HACD2: variants seen among roughly 807,000 people sequenced by gnomAD.
The protein encoded by HACD2 is very-long-chain (3R)-3-hydroxyacyl-CoA dehydratase 2.
In HACD2, 15 loss-of-function variants were observed where a neutral mutation model predicts 31.0. The observed-to-expected ratio is 0.48, with a 90% CI of 0.32 to 0.75. The LOEUF is 0.75. Among genes scored for constraint, HACD2 ranks in the 30% least tolerant of loss-of-function variants. The pLI, the probability that HACD2 is intolerant of heterozygous loss-of-function variation, is 0.03. For missense variants in HACD2, 283 were observed against 313.0 expected (o/e 0.90, Z 0.72); for synonymous variants, 115 against 122.2 (o/e 0.94, Z 0.39).
chr3:123,504,296 CTGGG>C (rs1346967421), intron 4 of HACD2, among the ~76,000 whole-genome samples: 1 of 152,156 alleles, frequency 6.6e-6, no homozygotes, highest in Non-Finnish European at 1.5e-5. Context: ...CTAAAGAGCT[CTGGG>C]TTATAATAGG....
intron 6 of HACD2, among the ~76,000 whole-genome samples, chr3:123,498,595 T>G (rs1465375591): frequency 1.3e-5 from 2 of 152,188 alleles, no homozygotes; most frequent in Admixed American, 1.3e-4. Flanking sequence ...ATGTTTCTTA[T>G]GAGAATCTAA....
At chr3:123,541,465 G>C (rs1350409519) in intron 3 of HACD2, among the ~76,000 whole-genome samples, 3 of 152,146 alleles carry the variant, frequency 2.0e-5, no homozygotes, top group Non-Finnish European at 4.4e-5. Context: ...AACTATGTGG[G>C]GCAGGGAAAG....
intron 3 of HACD2, among the ~76,000 whole-genome samples, chr3:123,547,894 T>C (rs1329482341): frequency 6.6e-6 from 1 of 152,088 alleles, no homozygotes; most frequent in Admixed American, 6.5e-5. Flanking sequence ...GTAGGCACCA[T>C]TTTCCTCAAC....
chr3:123,527,833 G>A (rs928339942), intron 4 of HACD2, among the ~76,000 whole-genome samples: 1 of 152,250 alleles, frequency 6.6e-6, no homozygotes, highest in Non-Finnish European at 1.5e-5. Flanking sequence ...ACATTTGCGG[G>A]TAGAAGGCAT....
intron 6 of HACD2, among the ~76,000 whole-genome samples, chr3:123,498,952 G>A (rs930222051): frequency 6.6e-6 from 1 of 152,202 alleles, no homozygotes; most frequent in Non-Finnish European, 1.5e-5. Flanking sequence ...ACAGATGGAG[G>A]CTGCCCTGGG....
chr3:123,516,311 T>C (rs571791038), intron 4 of HACD2, among the ~76,000 whole-genome samples: 1 of 151,108 alleles, frequency 6.6e-6, no homozygotes, highest in South Asian at 2.1e-4. Flanking sequence ...TTCTGCTCAC[T>C]GCAACCTCCG....
At chr3:123,541,692 A>G (rs1293560823) in intron 3 of HACD2, among the ~76,000 whole-genome samples, 1 of 152,352 alleles carries the variant, frequency 6.6e-6, no homozygotes, top group East Asian at 1.9e-4. Flanking sequence ...GTGACTTGCC[A>G]AGCTTACATA....
At chr3:123,529,415 T>C (rs1330576603) in intron 3 of HACD2, among the ~76,000 whole-genome samples, 1 of 147,304 alleles carries the variant, frequency 6.8e-6, no homozygotes, top group Non-Finnish European at 1.5e-5. Context: ...AGTTATATCT[T>C]AACAAAGCTG....
At chr3:123,504,893 A>G (rs954117811) in intron 4 of HACD2, among the ~76,000 whole-genome samples, 2 of 152,252 alleles carry the variant, frequency 1.3e-5, no homozygotes, top group Admixed American at 1.3e-4. Context: ...GGACAAATGC[A>G]TAACTTAAAA....
At chr3:123,542,015 C>T (rs1049848026) in intron 3 of HACD2, among the ~76,000 whole-genome samples, 6 of 150,156 alleles carry the variant, frequency 4.0e-5, no homozygotes, top group Admixed American at 2.6e-4. Context: ...GGTGTAGTGG[C>T]GGGCGCCTGT....
intron 3 of HACD2, among the ~76,000 whole-genome samples, chr3:123,548,464 C>T (rs1336070480): frequency 2.0e-5 from 3 of 152,132 alleles, no homozygotes; most frequent in Non-Finnish European, 4.4e-5. Context: ...AACTACTCAC[C>T]TAAAGCGCTC....
intron 2 of HACD2, among the ~76,000 whole-genome samples, chr3:123,570,355 T>C (rs1243969101): frequency 6.6e-6 from 1 of 152,166 alleles, no homozygotes; most frequent in Non-Finnish European, 1.5e-5. Flanking sequence ...CAGATGTACA[T>C]AGTAAATTAT....
At chr3:123,527,857 T>C (rs1324445086) in intron 4 of HACD2, among the ~76,000 whole-genome samples, 3 of 152,212 alleles carry the variant, frequency 2.0e-5, no homozygotes, top group Non-Finnish European at 4.4e-5. Flanking sequence ...CAGAAACGTG[T>C]TTCGGTCAGC....
chr3:123,569,727 C>T (rs965004632), intron 2 of HACD2, among the ~76,000 whole-genome samples: 25 of 151,940 alleles, frequency 1.6e-4, no homozygotes, highest in African/African-American at 2.9e-4. Flanking sequence ...GTGGCTCACG[C>T]GTATAATCCC....
chr3:123,507,657 C>T (rs1251799423), intron 4 of HACD2, among the ~76,000 whole-genome samples: 1 of 152,098 alleles, frequency 6.6e-6, no homozygotes, highest in Non-Finnish European at 1.5e-5. Context: ...GCTTATTTCA[C>T]ATTGCATCCC....
intron 4 of HACD2, among the ~76,000 whole-genome samples, chr3:123,506,733 C>A (rs1242531637): frequency 6.6e-6 from 1 of 152,120 alleles, no homozygotes; most frequent in African/African-American, 2.4e-5. Flanking sequence ...CTACACCTGG[C>A]CACTTTTCTA....
intron 3 of HACD2, among the ~76,000 whole-genome samples, chr3:123,545,120 T>C (rs1352145645): frequency 6.7e-6 from 1 of 150,256 alleles, no homozygotes; most frequent in East Asian, 1.9e-4. Flanking sequence ...CCTTCTTCTT[T>C]AGTACTTTGG....
chr3:123,535,840 C>T (rs1398106155), intron 3 of HACD2, among the ~76,000 whole-genome samples: 2 of 152,138 alleles, frequency 1.3e-5, no homozygotes, highest in African/African-American at 4.8e-5. Context: ...GAAAGCAGTG[C>T]CCACATATTT....
intron 4 of HACD2, among the ~76,000 whole-genome samples, chr3:123,510,112 T>C (rs1212431014): frequency 6.6e-6 from 1 of 152,148 alleles, no homozygotes; most frequent in Non-Finnish European, 1.5e-5. Flanking sequence ...ATTTCATCAT[T>C]CCAAACAGAA....
Sources: gnomAD v4.1 joint callset for allele counts (sites outside exome capture counted in the v4.1 genomes callset) on GRCh38, gnomAD v4.1.1 for gene constraint, MANE v1.5 for transcripts, NCBI Gene and HGNC (gene_info 2026-07-23, HGNC 2026-07-21) for gene names.